Variants in HPSE2 observed in about 807,000 individuals in gnomAD.
HPSE2 encodes heparanase 2 (inactive), also known as inactive heparanase-2.
Under a neutral mutation model 60.5 loss-of-function variants are expected in HPSE2, and 38 were observed. The observed-to-expected ratio is 0.63, with a 90% confidence interval of 0.48 to 0.82. The LOEUF (loss-of-function observed/expected upper bound fraction) is 0.82, where lower values mean the gene tolerates loss of function less well. Among genes scored for constraint, HPSE2 ranks in the 40% least tolerant of loss-of-function variants. The pLI is 0.00. For synonymous variants in HPSE2, 295 were observed against 293.2 expected, an observed-to-expected ratio of 1.01 and a Z score of -0.06; for missense variants, 713 against 740.4, an observed-to-expected ratio of 0.96 and a Z score of 0.43.
At chr10:98,677,244 A>T (rs1947668457) in intron 6 of HPSE2, among the ~76,000 whole-genome samples, 1 of 152,212 alleles carries the variant, frequency 6.6e-6, no homozygotes, top group South Asian at 2.1e-4. Flanking sequence ...GCCTGCACAT[A>T]GTAGGTGCTC....
chr10:99,179,574 A>G (rs1198658108), intron 2 of HPSE2, among the ~76,000 whole-genome samples: 1 of 151,978 alleles, frequency 6.6e-6, no homozygotes, highest in Non-Finnish European at 1.5e-5. Context: ...GGACCTCTTC[A>G]AGAACTACAA....
At chr10:98,555,529 C>G (rs915359600) in intron 9 of HPSE2, among the ~76,000 whole-genome samples, 1 of 152,160 alleles carries the variant, frequency 6.6e-6, no homozygotes, top group Non-Finnish European at 1.5e-5. Context: ...ATTCGTTTGT[C>G]CATTAACACC....
At chr10:98,856,252 A>G (rs1952312358) in intron 3 of HPSE2, among the ~76,000 whole-genome samples, 1 of 152,172 alleles carries the variant, frequency 6.6e-6, no homozygotes. Context: ...CAATCAATAA[A>G]ATAAGTCTCA....
intron 3 of HPSE2, among the ~76,000 whole-genome samples, chr10:99,070,644 T>C (rs1038691301): frequency 6.6e-5 from 10 of 152,192 alleles, no homozygotes; most frequent in South Asian, 2.1e-4. Flanking sequence ...ACCCATTGGA[T>C]AGCAGATCCC....
intron 11 of HPSE2, among the ~76,000 whole-genome samples, chr10:98,470,600 G>A (rs1230686861): frequency 6.6e-6 from 1 of 152,218 alleles, no homozygotes; most frequent in African/African-American, 2.4e-5. Context: ...AAGGTGCAGG[G>A]GAAGAAGAAG....
chr10:98,978,286 C>T (rs941998055), intron 3 of HPSE2, among the ~76,000 whole-genome samples: 3 of 151,746 alleles, frequency 2.0e-5, no homozygotes, highest in African/African-American at 7.3e-5. Context: ...TATAAGCAGG[C>T]CTTTAAAAAA....
intron 3 of HPSE2, among the ~76,000 whole-genome samples, chr10:98,985,154 C>T (rs538551563): frequency 6.6e-6 from 1 of 152,256 alleles, no homozygotes; most frequent in African/African-American, 2.4e-5. Flanking sequence ...CACAAAGATA[C>T]TCCTCGAGAA....
chr10:98,634,460 T>C (rs1946444514), intron 7 of HPSE2, among the ~76,000 whole-genome samples: 1 of 152,236 alleles, frequency 6.6e-6, no homozygotes, highest in East Asian at 1.9e-4. Flanking sequence ...ATTATCATTG[T>C]CCTCATGTTT....
chr10:98,612,353 T>C (rs933858992), intron 9 of HPSE2, among the ~76,000 whole-genome samples: 4 of 152,208 alleles, frequency 2.6e-5, no homozygotes, highest in Admixed American at 6.5e-5. Flanking sequence ...AGTCACTCAA[T>C]AATGTCACAG....
intron 9 of HPSE2, among the ~76,000 whole-genome samples, chr10:98,514,839 C>T (rs1382285031): frequency 6.6e-6 from 1 of 151,664 alleles, no homozygotes; most frequent in Non-Finnish European, 1.5e-5. Context: ...CTGCCTCAGC[C>T]TCCCAAGTAG....
intron 3 of HPSE2, among the ~76,000 whole-genome samples, chr10:99,085,760 G>A (rs1051407075): frequency 6.6e-6 from 1 of 152,100 alleles, no homozygotes; most frequent in Non-Finnish European, 1.5e-5. Context: ...GTACTTTCAG[G>A]GCAAAAGCCG....
intron 11 of HPSE2, among the ~76,000 whole-genome samples, chr10:98,473,353 C>T (rs1940858190): frequency 6.6e-6 from 1 of 151,886 alleles, no homozygotes; most frequent in Non-Finnish European, 1.5e-5. Flanking sequence ...GTTTTGGTGA[C>T]ACGCACCTGT....
At chr10:98,501,625 T>G (rs566969120) in intron 9 of HPSE2, among the ~76,000 whole-genome samples, 5 of 152,286 alleles carry the variant, frequency 3.3e-5, no homozygotes, top group Admixed American at 3.3e-4. Flanking sequence ...AAGCATTCCC[T>G]CTGAGAACTG....
chr10:99,112,860 C>T (rs1844524342), intron 3 of HPSE2, among the ~76,000 whole-genome samples: 2 of 152,126 alleles, frequency 1.3e-5, no homozygotes, highest in Admixed American at 6.6e-5. Context: ...ACCAGATCTG[C>T]TCTGGGAAAG....
At chr10:98,853,536 G>A (rs751716408) in intron 3 of HPSE2, among the ~76,000 whole-genome samples, 6 of 148,540 alleles carry the variant, frequency 4.0e-5, no homozygotes, top group Admixed American at 6.7e-5. Context: ...TTTTCATCTC[G>A]TCCCTTTTCC....
At chr10:99,090,618 G>A (rs1843479631) in intron 3 of HPSE2, among the ~76,000 whole-genome samples, 1 of 151,922 alleles carries the variant, frequency 6.6e-6, no homozygotes, top group African/African-American at 2.4e-5. Context: ...AACATTTCAA[G>A]GAATTTATTT....
chr10:98,949,590 G>A (rs1008739141), intron 3 of HPSE2, among the ~76,000 whole-genome samples: 1 of 152,126 alleles, frequency 6.6e-6, no homozygotes, highest in Admixed American at 6.6e-5. Context: ...AGTAATTCCT[G>A]AGCCTCAATT....
rs558246050 is a variant in HPSE2, at chr10:98,761,739, G to A, written c.611-17683C>T. On this transcript the variant is annotated intron_variant, in intron 3 of 11. Coordinates refer to ENST00000370552, the MANE Select transcript of HPSE2 (RefSeq NM_021828.5). Reference sequence around the variant, plus strand: ...CTCCGAAAAGTAAACAGTAGCAAGCGGACTGGGGACTTAACTTACAATCTG... The same window carrying A: ...CTCCGAAAAGTAAACAGTAGCAAGCAGACTGGGGACTTAACTTACAATCTG... 1.6e-3 allele frequency among the ~76,000 whole-genome samples: 248 copies of A among 152,180 alleles called. 1 individual carries two copies. Among genetic ancestry groups the A allele is most frequent in the African/African-American group, 1.6e-3 (66 of 41,518 alleles).
chr10:98,911,622 T>C (rs532602304), intron 3 of HPSE2, among the ~76,000 whole-genome samples: 128 of 152,104 alleles, frequency 8.4e-4, no homozygotes, highest in African/African-American at 2.9e-3. Context: ...AGGAGAGTAA[T>C]CAGAGATGAG....
Sources: gnomAD v4.1 joint callset for allele counts (sites outside exome capture counted in the v4.1 genomes callset) on GRCh38, gnomAD v4.1.1 for gene constraint, MANE v1.5 for transcripts, NCBI Gene and HGNC (gene_info 2026-07-23, HGNC 2026-07-21) for gene names.